Variants in CCDC192 observed in about 807,000 individuals in gnomAD.
The protein encoded by CCDC192 is coiled-coil domain containing 192.
At chr5:127,876,754 T>C (rs1212729928) in intron 6 of CCDC192, among the ~76,000 whole-genome samples, 2 of 152,194 alleles carry the variant, frequency 1.3e-5, no homozygotes, top group African/African-American at 2.4e-5. Flanking sequence ...AAGCAGGCGA[T>C]GTGGTAGTTT....
At chr5:127,923,116 G>C (rs138772843) in intron 6 of CCDC192, among the ~76,000 whole-genome samples, 179 of 152,286 alleles carry the variant, frequency 1.2e-3, no homozygotes, top group African/African-American at 3.9e-3. Flanking sequence ...GCTATCTCTG[G>C]AGCCAATACA....
At chr5:127,935,062 G>A (rs1201688086) in intron 6 of CCDC192, among the ~76,000 whole-genome samples, 1 of 152,192 alleles carries the variant, frequency 6.6e-6, no homozygotes, top group Non-Finnish European at 1.5e-5. Context: ...GGCAGCCTTA[G>A]TCATTAGCTT....
chr5:127,791,797 A>G (rs938043703), intron 3 of CCDC192, among the ~76,000 whole-genome samples: 9 of 152,340 alleles, frequency 5.9e-5, no homozygotes, highest in Non-Finnish European at 5.9e-5. Flanking sequence ...TCAGCAAAAT[A>G]TTATAAATCT....
intron 2 of CCDC192, among the ~76,000 whole-genome samples, chr5:127,724,958 T>TC (rs1338080084): frequency 1.3e-5 from 2 of 151,854 alleles, no homozygotes; most frequent in Non-Finnish European, 2.9e-5. Flanking sequence ...ACTAAAGAAA[T>TC]CCATCTAAAT....
chr5:127,766,479 AT>A (rs1755230278), intron 3 of CCDC192, among the ~76,000 whole-genome samples: 1 of 151,922 alleles, frequency 6.6e-6, no homozygotes, highest in Non-Finnish European at 1.5e-5. Context: ...AGTTCTAACC[AT>A]TTCTAGATTT....
At chr5:127,881,322 T>C (rs1752344189) in intron 6 of CCDC192, among the ~76,000 whole-genome samples, 1 of 152,232 alleles carries the variant, frequency 6.6e-6, no homozygotes, top group Non-Finnish European at 1.5e-5. Flanking sequence ...TAGATTAATA[T>C]TCAGCTATTT....
chr5:127,721,012 T>C (rs1359071857), intron 2 of CCDC192, among the ~76,000 whole-genome samples: 2 of 152,266 alleles, frequency 1.3e-5, no homozygotes, highest in African/African-American at 4.8e-5. Context: ...TGAAGTTCTC[T>C]GAAATGTCTT....
intron 2 of CCDC192, among the ~76,000 whole-genome samples, chr5:127,737,989 A>ATTTTGCTCGTTAGTTGATGCAG: frequency 6.7e-6 from 1 of 149,282 alleles, no homozygotes; most frequent in East Asian, 2.0e-4. Flanking sequence ...TTAGCTGGTT[A>ATTTTGCTCGTTAGTTGATGCAG]TTTTGCTCGT....
At chr5:127,871,017 G>A (rs1751832066) in intron 5 of CCDC192, among the ~76,000 whole-genome samples, 1 of 152,224 alleles carries the variant, frequency 6.6e-6, no homozygotes, top group South Asian at 2.1e-4. Context: ...AAGTGAAGGA[G>A]GCTGGGATGG....
At position 127,769,267 on chromosome 5, in the gene CCDC192, C is replaced by T. The variant is rs181281753; in HGVS notation, c.222+14892C>T. The stretch of plus-strand genomic sequence containing the variant: ...AAGTCTTTTATCTTTGTGGCTTAAA[C>T]GTATGAATGGATGGTGCCATGTATT... On this transcript the variant is annotated intron_variant, in intron 3 of 6. Transcript: ENST00000514853. Among the ~76,000 whole-genome samples, 217 of 152,152 alleles carry T rather than the reference C, an allele frequency of 1.4e-3. No homozygotes were observed. In the Middle Eastern group the frequency reaches 0.031, roughly 21 times the overall value.
At chr5:127,768,753 G>A (rs1047188175) in intron 3 of CCDC192, among the ~76,000 whole-genome samples, 1 of 152,170 alleles carries the variant, frequency 6.6e-6, no homozygotes, top group Non-Finnish European at 1.5e-5. Flanking sequence ...CTAGAATGGG[G>A]TTAAGATAAA....
chr5:127,923,494 C>G (rs1316332490), intron 6 of CCDC192, among the ~76,000 whole-genome samples: 1 of 152,014 alleles, frequency 6.6e-6, no homozygotes, highest in East Asian at 1.9e-4. Context: ...TCTCCTGCCT[C>G]AGCCTCCCGA....
intron 5 of CCDC192, among the ~76,000 whole-genome samples, chr5:127,803,129 A>T (rs1018485347): frequency 6.6e-6 from 1 of 152,230 alleles, no homozygotes; most frequent in African/African-American, 2.4e-5. Context: ...GCTTGCTTTT[A>T]TTCAGAGTTC....
chr5:127,912,419 C>CCAAAAA (rs755334662), intron 6 of CCDC192, among the ~76,000 whole-genome samples: 13 of 81,442 alleles, frequency 1.6e-4, no homozygotes, highest in African/African-American at 6.6e-4. Context: ...CTGGGTTTAG[C>CCAAAAA]AAAAAAAAAA....
intron 5 of CCDC192, among the ~76,000 whole-genome samples, chr5:127,846,238 A>G (rs1415497497): frequency 2.0e-5 from 3 of 151,412 alleles, no homozygotes; most frequent in African/African-American, 7.3e-5. Flanking sequence ...GCAGTGAGCC[A>G]AGATCGTGCC....
intron 2 of CCDC192, among the ~76,000 whole-genome samples, chr5:127,748,738 G>A (rs908342306): frequency 2.8e-5 from 4 of 143,850 alleles, no homozygotes; most frequent in African/African-American, 1.0e-4. Flanking sequence ...TCCTACCCAT[G>A]AGCATGGAAT....
At chr5:127,795,863 C>T (rs1466751329) in intron 3 of CCDC192, among the ~76,000 whole-genome samples, 1 of 152,082 alleles carries the variant, frequency 6.6e-6, no homozygotes, top group Non-Finnish European at 1.5e-5. Flanking sequence ...GGCAGAGAAG[C>T]CAGACTGCAA....
intron 2 of CCDC192, among the ~76,000 whole-genome samples, chr5:127,712,915 C>A (rs1384840207): frequency 6.7e-6 from 1 of 149,890 alleles, no homozygotes; most frequent in African/African-American, 2.4e-5. Context: ...TCTTTGCAAC[C>A]CTATGAAGGT....
intron 2 of CCDC192, among the ~76,000 whole-genome samples, chr5:127,745,411 A>G (rs1348788445): frequency 6.6e-6 from 1 of 152,230 alleles, no homozygotes; most frequent in Non-Finnish European, 1.5e-5. Context: ...TACTCTTACA[A>G]TGTCATATAA....
Sources: allele counts gnomAD v4.1 joint callset (sites outside exome capture counted in the v4.1 genomes callset), GRCh38; gene constraint gnomAD v4.1.1; transcripts MANE v1.5; gene names NCBI Gene and HGNC (gene_info 2026-07-23, HGNC 2026-07-21).